Variants in MSH4 observed in about 807,000 individuals in gnomAD.
MSH4 encodes the protein mutS protein homolog 4.
In MSH4, 106 loss-of-function variants were observed where a neutral mutation model predicts 113.7. That is an observed-to-expected ratio of 0.93 (90% CI 0.80 to 1.10). The LOEUF is 1.10. Ranked by LOEUF, MSH4 falls within the 50% of genes least tolerant of loss-of-function variation. The pLI, the probability that MSH4 is intolerant of heterozygous loss-of-function variation, is 0.00. For synonymous variants in MSH4, 368 were observed against 380.2 expected, an observed-to-expected ratio of 0.97 and a Z score of 0.37; for missense variants, 1,061 against 1,093.7, an observed-to-expected ratio of 0.97 and a Z score of 0.42.
intron 4 of MSH4, among the ~76,000 whole-genome samples, chr1:75,811,137 G>T (rs1650182583): frequency 6.6e-6 from 1 of 152,108 alleles, no homozygotes; most frequent in South Asian, 2.1e-4. Context: ...CTCCCAAAGT[G>T]CTGGGATTAC....
At chr1:75,903,813 A>T (rs1652561896) in intron 19 of MSH4, among the ~76,000 whole-genome samples, 1 of 152,042 alleles carries the variant, frequency 6.6e-6, no homozygotes, top group African/African-American at 2.4e-5. Context: ...CATCTGTAAA[A>T]AGGATATTTT....
chr1:75,891,044 C>A (rs1189922042), intron 17 of MSH4, among the ~76,000 whole-genome samples: 1 of 152,026 alleles, frequency 6.6e-6, no homozygotes, highest in East Asian at 1.9e-4. Flanking sequence ...TCAAGAAATT[C>A]AAATAATGCA....
chr1:75,800,673 C>T (rs1350750153), intron 1 of MSH4, among the ~76,000 whole-genome samples: 1 of 152,144 alleles, frequency 6.6e-6, no homozygotes, highest in Non-Finnish European at 1.5e-5. Context: ...AAGCTTATGA[C>T]TTGAGTGACA....
At chr1:75,877,605 T>C (rs1051373533) in intron 10 of MSH4, among the ~76,000 whole-genome samples, 43 of 152,140 alleles carry the variant, frequency 2.8e-4, no homozygotes, top group African/African-American at 9.9e-4. Context: ...GAAGGAAAAG[T>C]TGAGGAAAAT....
chr1:75,875,238 A>T (rs948840549), intron 9 of MSH4, among the ~76,000 whole-genome samples: 3 of 152,180 alleles, frequency 2.0e-5, no homozygotes, highest in African/African-American at 7.2e-5. Flanking sequence ...GCTGTTCATT[A>T]ATCAATGGAT....
intron 7 of MSH4, among the ~76,000 whole-genome samples, chr1:75,837,175 C>G (rs1035634880): frequency 2.6e-5 from 4 of 152,116 alleles, no homozygotes; most frequent in Non-Finnish European, 4.4e-5. Flanking sequence ...CTCCTTGCCC[C>G]TTCTACCATG....
intron 7 of MSH4, among the ~76,000 whole-genome samples, chr1:75,837,904 C>T (rs1650867746): frequency 6.6e-6 from 1 of 152,130 alleles, no homozygotes; most frequent in Non-Finnish European, 1.5e-5. Context: ...CCTTAATTCT[C>T]TCATCTCATT....
rs148851327 is a variant in MSH4 at position 75,867,588 on chromosome 1, G to T, written c.1305G>T (p.Lys435Asn). 3 of 1,538,504 alleles carry T rather than the reference G, an allele frequency of 1.9e-6. No individual in the cohort carries two copies. The highest frequency in any genetic ancestry group is 2.7e-6 in the Non-Finnish European group (3 of 1,123,522). ...CCTTGGAACTTGTGGATCCTTTAAA[G>T]GTAATTTATGTGTGTGTATCGTACA... The part of the protein sequence containing the change: ...KHTLELVDPL[K>N]IAMKNCNTPL... The change falls in exon 9 of 20, where the codon AAG becomes AAT. Residue 435 changes from lysine (K) to asparagine (N), a missense_variant and splice_region_variant. Coordinates refer to ENST00000263187, the MANE Select transcript of MSH4 (RefSeq NM_002440.4).
At chr1:75,863,193 A>G (rs929239184) in intron 8 of MSH4, among the ~76,000 whole-genome samples, 1 of 152,156 alleles carries the variant, frequency 6.6e-6, no homozygotes, top group Non-Finnish European at 1.5e-5. Flanking sequence ...TCATTTTAGT[A>G]AGTATTATGA....
intron 9 of MSH4, among the ~76,000 whole-genome samples, chr1:75,875,841 A>G (rs955217449): frequency 3.4e-5 from 5 of 146,642 alleles, no homozygotes; most frequent in African/African-American, 1.2e-4. Flanking sequence ...AATAAGTGTT[A>G]AAAAATGATT....
chr1:75,876,705 T>C (rs1055406118), intron 9 of MSH4, among the ~76,000 whole-genome samples: 2 of 152,174 alleles, frequency 1.3e-5, no homozygotes, highest in Middle Eastern at 3.4e-3. Context: ...AAAAATAAAA[T>C]TTATAATAAG....
At chr1:75,851,480 C>T (rs146809638) in intron 8 of MSH4, among the ~76,000 whole-genome samples, 18 of 152,174 alleles carry the variant, frequency 1.2e-4, no homozygotes, top group African/African-American at 3.6e-4. Context: ...GGCGCCATCT[C>T]GGCTCACTGC....
intron 7 of MSH4, among the ~76,000 whole-genome samples, chr1:75,844,552 C>T (rs1483708170): frequency 6.6e-6 from 1 of 152,014 alleles, no homozygotes; most frequent in Non-Finnish European, 1.5e-5. Flanking sequence ...GTCTCAAACT[C>T]CTAAGCTCAA....
At chr1:75,903,223 A>G (rs550296479) in intron 19 of MSH4, among the ~76,000 whole-genome samples, 1 of 152,082 alleles carries the variant, frequency 6.6e-6, no homozygotes, top group African/African-American at 2.4e-5. Flanking sequence ...ATTTTTATAT[A>G]TGGTAAGAAA....
chr1:75,877,857 A>G (rs1221139207), intron 10 of MSH4, among the ~76,000 whole-genome samples: 1 of 152,148 alleles, frequency 6.6e-6, no homozygotes, highest in African/African-American at 2.4e-5. Flanking sequence ...TTAGAGATGT[A>G]TTTTGTACCC....
Position 75,890,663 on chromosome 1 carries a change from A to G in MSH4, c.2227-33A>G, listed in dbSNP as rs5745505. 3.1e-4 allele frequency: 378 copies of G among 1,201,978 alleles called. 1 individual carries two copies. The African/African-American group carries it at 5.2e-3, about 16-fold the overall frequency. 74.5% of individuals were successfully genotyped at this position (1,201,978 alleles called of 1,614,324 possible). On this transcript the variant is annotated intron_variant, in intron 16 of 19. Transcript: ENST00000263187. ...CTGTGATATTGACAGCTGTTTGGTTACAATGAATAAATATTAAAATTATAT... is the reference window on the plus strand; with the variant it reads ...CTGTGATATTGACAGCTGTTTGGTTGCAATGAATAAATATTAAAATTATAT...
At chr1:75,862,798 T>C (rs896413704) in intron 8 of MSH4, among the ~76,000 whole-genome samples, 2 of 152,318 alleles carry the variant, frequency 1.3e-5, no homozygotes, top group African/African-American at 4.8e-5. Context: ...CTAAATGCTT[T>C]CAGAAAATTT....
intron 9 of MSH4, among the ~76,000 whole-genome samples, chr1:75,869,516 G>T (rs543370141): frequency 2.8e-4 from 43 of 152,276 alleles, no homozygotes; most frequent in Middle Eastern, 3.4e-3. Context: ...CAGGCCCAGA[G>T]ATCTAGGAGG....
chr1:75,802,979 G>C (rs960171016), intron 1 of MSH4, among the ~76,000 whole-genome samples: 2 of 152,010 alleles, frequency 1.3e-5, no homozygotes, highest in Admixed American at 6.6e-5. Context: ...TCCTACTCTC[G>C]TGATAACCCA....
Sources: allele counts gnomAD v4.1 joint callset (sites outside exome capture counted in the v4.1 genomes callset), GRCh38; gene constraint gnomAD v4.1.1; transcripts MANE v1.5; gene names NCBI Gene and HGNC (gene_info 2026-07-23, HGNC 2026-07-21).